Variants in WDR49 observed in about 807,000 individuals in gnomAD.
WDR49 encodes cilia- and flagella-associated protein 337.
WDR49 carries 107 observed loss-of-function variants against 119.5 expected under a neutral mutation model. The ratio of observed to expected loss-of-function variants is 0.90; its 90% CI spans 0.77 to 1.05. The LOEUF (loss-of-function observed/expected upper bound fraction) is 1.05. WDR49 is among the 50% of genes least tolerant of loss of function. The pLI, the probability that WDR49 is intolerant of heterozygous loss-of-function variation, is 0.00. For synonymous variants in WDR49, 425 were observed against 418.8 expected (o/e 1.01, Z -0.18); for missense variants, 1,240 against 1,220.5 (o/e 1.02, Z -0.24).
chr3:167,534,265 C>T (rs537244945), intron 11 of WDR49, among the ~76,000 whole-genome samples: 52 of 152,192 alleles, frequency 3.4e-4, no homozygotes, highest in Middle Eastern at 3.4e-3. Context: ...TGGAGTTCAG[C>T]TGTCCATAGA....
At chr3:167,655,600 T>G (rs1239694659), upstream of WDR49, among the ~76,000 whole-genome samples, 1 of 152,094 alleles carries the variant, frequency 6.6e-6, no homozygotes, top group Non-Finnish European at 1.5e-5. Flanking sequence ...AAAAAAACAT[T>G]TATTAAGAGC....
intron 15 of WDR49, among the ~76,000 whole-genome samples, chr3:167,526,578 G>C (rs1199149957): frequency 1.3e-5 from 2 of 152,020 alleles, no homozygotes; most frequent in Non-Finnish European, 2.9e-5. Context: ...CCACTTAGCC[G>C]CTTTTTTTCC....
chr3:167,613,375 A>G (rs1577277340), intron 5 of WDR49, among the ~76,000 whole-genome samples: 2 of 152,200 alleles, frequency 1.3e-5, no homozygotes, highest in African/African-American at 4.8e-5. Context: ...ATGCTACAGA[A>G]CAAGCTGCAG....
rs565152031 is a variant in WDR49 at position 167,480,101 on chromosome 3, C to A, written c.3032-1105G>T. ...CAAAAAAATAAGCCAGGCATGGTGG[C>A]AGGCGCCTGTAATCTCAGCTACTCG... On this transcript the variant is annotated intron_variant, in intron 18 of 18. Transcript: ENST00000682715. 5.9e-5 allele frequency among the ~76,000 whole-genome samples: 9 copies of A among 151,522 alleles called. 1 individual carries two copies. In the South Asian group the frequency reaches 1.9e-3, roughly 32 times the overall value.
At chr3:167,551,908 C>T (rs1477800444) in intron 10 of WDR49, among the ~76,000 whole-genome samples, 5 of 151,694 alleles carry the variant, frequency 3.3e-5, no homozygotes, top group Non-Finnish European at 5.9e-5. Context: ...AGCACAAAGA[C>T]AAAATGGGGA....
chr3:167,561,900 A>C (rs948100096), intron 8 of WDR49, among the ~76,000 whole-genome samples: 1 of 152,168 alleles, frequency 6.6e-6, no homozygotes, highest in African/African-American at 2.4e-5. Context: ...ATTCCAGACA[A>C]CTAACAGTTC....
At chr3:167,573,655 T>A (rs1404099319) in intron 8 of WDR49, among the ~76,000 whole-genome samples, 1 of 152,108 alleles carries the variant, frequency 6.6e-6, no homozygotes, top group Non-Finnish European at 1.5e-5. Flanking sequence ...ATGAAAATAA[T>A]TTTGACCTCC....
At chr3:167,647,666 G>A (rs76565304) in intron 2 of WDR49, among the ~76,000 whole-genome samples, 3,461 of 152,246 alleles carry the variant, frequency 0.023, 130 homozygotes, top group African/African-American at 0.079. Flanking sequence ...AGAGCAATGC[G>A]TGAGAAATGG....
At chr3:167,550,941 T>C (rs1712522246) in intron 10 of WDR49, among the ~76,000 whole-genome samples, 1 of 151,970 alleles carries the variant, frequency 6.6e-6, no homozygotes, top group Non-Finnish European at 1.5e-5. Flanking sequence ...AGTCATTTAA[T>C]TTTAGCAACA....
At chr3:167,656,892 C>A (rs1414618069), upstream of WDR49, among the ~76,000 whole-genome samples, 1 of 152,308 alleles carries the variant, frequency 6.6e-6, no homozygotes, top group South Asian at 2.1e-4. Context: ...CAGATTGACA[C>A]TTGCCCCCTT....
At chr3:167,574,125 T>A (rs1714102193) in intron 8 of WDR49, among the ~76,000 whole-genome samples, 1 of 152,200 alleles carries the variant, frequency 6.6e-6, no homozygotes, top group Non-Finnish European at 1.5e-5. Flanking sequence ...CCTTCTTTCA[T>A]TCCACAATCC....
chr3:167,566,499 TA>T (rs934751757), intron 8 of WDR49, among the ~76,000 whole-genome samples: 2 of 152,086 alleles, frequency 1.3e-5, no homozygotes, highest in Admixed American at 6.6e-5. Context: ...CTCATTTTTG[TA>T]AAAAAAGCCT....
intron 7 of WDR49, among the ~76,000 whole-genome samples, chr3:167,578,108 C>A (rs1714342090): frequency 6.6e-6 from 1 of 152,100 alleles, no homozygotes; most frequent in Non-Finnish European, 1.5e-5. Flanking sequence ...CCTCTTACCC[C>A]TTTTCTCCAG....
intron 8 of WDR49, among the ~76,000 whole-genome samples, chr3:167,567,190 G>A (rs1713656612): frequency 6.6e-6 from 1 of 152,158 alleles, no homozygotes; most frequent in African/African-American, 2.4e-5. Flanking sequence ...GAACGCTTCT[G>A]CCAGATTGTC....
intron 10 of WDR49, among the ~76,000 whole-genome samples, chr3:167,554,045 T>A (rs1459202949): frequency 6.6e-6 from 1 of 152,074 alleles, no homozygotes; most frequent in Non-Finnish European, 1.5e-5. Context: ...ATGGACAATA[T>A]ATTTTCAAAA....
At chr3:167,596,883 AATAAAT>A (rs1715487037) in intron 7 of WDR49, among the ~76,000 whole-genome samples, 1 of 149,838 alleles carries the variant, frequency 6.7e-6, no homozygotes, top group African/African-American at 2.4e-5. Flanking sequence ...TAAATAAATA[AATAAAT>A]AAATAAATAA....
chr3:167,617,545 CAAACCTTTAA>C (rs1716659811), intron 5 of WDR49, among the ~76,000 whole-genome samples: 2 of 152,090 alleles, frequency 1.3e-5, no homozygotes, highest in African/African-American at 4.8e-5. Flanking sequence ...AACAAAGAAA[CAAACCTTTAA>C]AAACCTTTTT....
At chr3:167,654,831 AGAGGTTGCAGT>A (rs1718544383), upstream of WDR49, among the ~76,000 whole-genome samples, 1 of 151,882 alleles carries the variant, frequency 6.6e-6, no homozygotes, top group South Asian at 2.1e-4. Context: ...CCTGGGGGGC[AGAGGTTGCAGT>A]GAGCCAAGAT....
At chr3:167,545,893 T>G (rs1712161147) in intron 10 of WDR49, among the ~76,000 whole-genome samples, 1 of 136,750 alleles carries the variant, frequency 7.3e-6, no homozygotes, top group Admixed American at 7.0e-5. Flanking sequence ...AATAAATAAT[T>G]GTAATATTAA....
Sources: gnomAD v4.1 joint callset for allele counts (sites outside exome capture counted in the v4.1 genomes callset) on GRCh38, gnomAD v4.1.1 for gene constraint, MANE v1.5 for transcripts, NCBI Gene and HGNC (gene_info 2026-07-23, HGNC 2026-07-21) for gene names.